STXBP5L: variants seen among roughly 807,000 people sequenced by gnomAD.
The protein encoded by STXBP5L is syntaxin-binding protein 5-like.
STXBP5L carries 65 observed loss-of-function variants against 144.5 expected under a neutral mutation model. That is an observed-to-expected ratio of 0.45 (90% CI 0.37 to 0.55). STXBP5L has a LOEUF of 0.55. Ranked by LOEUF, STXBP5L falls within the 20% of genes least tolerant of loss-of-function variation. The pLI is 0.00. For synonymous variants in STXBP5L, 505 were observed against 469.6 expected (o/e 1.08, Z -0.97); for missense variants, 1,298 against 1,405.5 (o/e 0.92, Z 1.22).
At chr3:120,973,078 T>C (rs991379568) in intron 3 of STXBP5L, among the ~76,000 whole-genome samples, 1 of 152,140 alleles carries the variant, frequency 6.6e-6, no homozygotes, top group Admixed American at 6.6e-5. Context: ...AAAATGATAC[T>C]GGTTTCCTAG....
intron 3 of STXBP5L, among the ~76,000 whole-genome samples, chr3:121,027,109 A>G (rs1256099860): frequency 2.0e-5 from 3 of 151,858 alleles, no homozygotes. Flanking sequence ...GTATATATAT[A>G]TGTGTTTGTA....
rs370751169 is a variant in STXBP5L at position 121,216,024 on chromosome 3, C to G, written c.957-6979C>G. Among the ~76,000 whole-genome samples, 8 of 151,076 alleles carry G rather than the reference C, an allele frequency of 5.3e-5. No homozygotes were observed. The East Asian group carries it at 1.6e-3, about 29-fold the overall frequency. ...TTGATACTTGTGTATGCTTCATGTGCTATGTTTTTCAGCTCCAAGGTCATT... is the reference window on the plus strand; with the variant it reads ...TTGATACTTGTGTATGCTTCATGTGGTATGTTTTTCAGCTCCAAGGTCATT... On this transcript the variant is annotated intron_variant, in intron 10 of 26. Coordinates refer to ENST00000471454, the MANE Select transcript of STXBP5L (RefSeq NM_001308330.2).
At chr3:121,064,077 G>T (rs116086956) in intron 5 of STXBP5L, among the ~76,000 whole-genome samples, 15,079 of 152,168 alleles carry the variant, frequency 0.099, 1,170 homozygotes, top group Admixed American at 0.2. Context: ...CTGCTCAAAT[G>T]GCTGCCATAT....
intron 9 of STXBP5L, among the ~76,000 whole-genome samples, chr3:121,177,168 G>A (rs560836163): frequency 4.1e-4 from 62 of 151,952 alleles, no homozygotes; most frequent in Middle Eastern, 3.4e-3. Flanking sequence ...ATATAACAAC[G>A]AACAAAACAA....
At chr3:120,988,903 G>C (rs1942562957) in intron 3 of STXBP5L, among the ~76,000 whole-genome samples, 1 of 151,964 alleles carries the variant, frequency 6.6e-6, no homozygotes, top group South Asian at 2.1e-4. Flanking sequence ...ACTTACAAGT[G>C]AGAACATGTG....
rs910513815 is a variant in STXBP5L, at chr3:120,951,139, C to T, written c.190-3801C>T. ...AACTGGATCCCTTCCTTACACCTTA[C>T]ACAAAAATCAATTCAAGATGGATTA... On this transcript the variant is annotated intron_variant, in intron 2 of 26. Coordinates refer to ENST00000471454, the MANE Select transcript of STXBP5L (RefSeq NM_001308330.2). 2.0e-4 allele frequency among the ~76,000 whole-genome samples: 31 copies of T among 152,148 alleles called. No homozygotes were observed. In the South Asian group the frequency reaches 3.5e-3, roughly 17 times the overall value.
chr3:121,372,500 G>T (rs925906212), intron 20 of STXBP5L, among the ~76,000 whole-genome samples: 1 of 152,146 alleles, frequency 6.6e-6, no homozygotes, highest in South Asian at 2.1e-4. Context: ...TGGCTAAGGG[G>T]TCTCCTCCTG....
intron 19 of STXBP5L, among the ~76,000 whole-genome samples, chr3:121,301,360 G>T (rs1181000922): frequency 6.6e-6 from 1 of 152,162 alleles, no homozygotes; most frequent in African/African-American, 2.4e-5. Context: ...TGTTATTGGT[G>T]TATAAGAATG....
intron 9 of STXBP5L, among the ~76,000 whole-genome samples, chr3:121,175,401 T>C (rs2046893623): frequency 6.6e-6 from 1 of 152,166 alleles, no homozygotes; most frequent in Non-Finnish European, 1.5e-5. Flanking sequence ...TAAAAATATT[T>C]ATCTCCATAT....
intron 5 of STXBP5L, among the ~76,000 whole-genome samples, chr3:121,070,156 C>G (rs1250784544): frequency 6.6e-6 from 1 of 152,160 alleles, no homozygotes; most frequent in African/African-American, 2.4e-5. Flanking sequence ...ATTCTGAGCC[C>G]TGAACAAAGG....
At chr3:121,226,997 C>T (rs1396565529) in intron 11 of STXBP5L, among the ~76,000 whole-genome samples, 1 of 152,074 alleles carries the variant, frequency 6.6e-6, no homozygotes, top group Non-Finnish European at 1.5e-5. Context: ...CAGTTCATAC[C>T]TTGGTAATAT....
chr3:121,321,430 C>A (rs1480874138), intron 20 of STXBP5L, among the ~76,000 whole-genome samples: 2 of 152,150 alleles, frequency 1.3e-5, no homozygotes, highest in Admixed American at 6.6e-5. Context: ...ATTAGAGGGT[C>A]ATTTAAAGGA....
At chr3:121,117,470 A>G (rs1432377415) in intron 6 of STXBP5L, among the ~76,000 whole-genome samples, 1 of 151,812 alleles carries the variant, frequency 6.6e-6, no homozygotes, top group Non-Finnish European at 1.5e-5. Flanking sequence ...ATCTCCTGGA[A>G]CTGTCTTTTC....
chr3:121,107,886 C>T (rs12638767), intron 5 of STXBP5L, among the ~76,000 whole-genome samples: 15,116 of 152,134 alleles, frequency 0.099, 1,182 homozygotes, highest in Admixed American at 0.2. Context: ...TCTCTGATTT[C>T]CTTGAGCAGT....
chr3:121,412,727 C>CAAAAAAAAAAAAAAAAAAAAAAAAA (rs35247157), intron 23 of STXBP5L, among the ~76,000 whole-genome samples: 54 of 69,608 alleles, frequency 7.8e-4, no homozygotes, highest in Non-Finnish European at 9.1e-4. Flanking sequence ...TTTCTCCCTC[C>CAAAAAAAAAAAAAAAAAAAAAAAAA]AAAAAAAAAA....
chr3:120,980,857 G>A (rs530620643), intron 3 of STXBP5L, among the ~76,000 whole-genome samples: 50 of 152,048 alleles, frequency 3.3e-4, no homozygotes, highest in Non-Finnish European at 6.0e-4. Context: ...TCATTTCCAC[G>A]TTTTGAACTC....
At chr3:121,033,166 C>G (rs1946494117) in intron 3 of STXBP5L, among the ~76,000 whole-genome samples, 1 of 135,716 alleles carries the variant, frequency 7.4e-6, no homozygotes, top group Admixed American at 7.8e-5. Flanking sequence ...AGACTTGGAA[C>G]CAACCCAAAT....
At chr3:121,073,140 C>G (rs934088840) in intron 5 of STXBP5L, among the ~76,000 whole-genome samples, 2 of 152,166 alleles carry the variant, frequency 1.3e-5, no homozygotes, top group African/African-American at 2.4e-5. Flanking sequence ...AGGGCTAGTC[C>G]GTTAAGTTTT....
chr3:120,978,636 T>C (rs998627553), intron 3 of STXBP5L, among the ~76,000 whole-genome samples: 2 of 150,932 alleles, frequency 1.3e-5, no homozygotes, highest in Admixed American at 1.3e-4. Flanking sequence ...TTTTAGAGTT[T>C]CCAGTTTTTC....
Sources: gnomAD v4.1 joint callset for allele counts (sites outside exome capture counted in the v4.1 genomes callset) on GRCh38, gnomAD v4.1.1 for gene constraint, MANE v1.5 for transcripts, NCBI Gene and HGNC (gene_info 2026-07-23, HGNC 2026-07-21) for gene names.